Variants in SAMSN1 observed in about 807,000 individuals in gnomAD.
SAMSN1 encodes the protein SAM domain-containing protein SAMSN-1.
Under a neutral mutation model 42.0 loss-of-function variants are expected in SAMSN1, and 31 were observed. The observed-to-expected ratio is 0.74, with a 90% CI of 0.55 to 1.00. SAMSN1 has a LOEUF of 1.00. SAMSN1 is among the 50% of genes least tolerant of loss of function. The pLI is 0.00. For missense variants in SAMSN1, 464 were observed against 439.4 expected, an observed-to-expected ratio of 1.06 and a Z score of -0.50; for synonymous variants, 178 against 151.9, an observed-to-expected ratio of 1.17 and a Z score of -1.26.
At chr21:14,546,149 G>T in intron 1 of SAMSN1, 56 bp downstream of exon 1, 2 of 1,467,720 alleles carry the variant, frequency 1.4e-6, no homozygotes, top group Non-Finnish European at 9.5e-7. Context: ...ACACATATGT[G>T]TTTATTTTCT....
chr21:14,644,293 T>C (rs1983666504), intron 1 of SAMSN1, among the ~76,000 whole-genome samples: 1 of 151,724 alleles, frequency 6.6e-6, no homozygotes, highest in South Asian at 2.1e-4. Context: ...GACGGAAGTG[T>C]AGGGAGGCCT....
Position 14,516,874 on chromosome 21 carries a change from T to G in SAMSN1, c.279+18A>C, listed in dbSNP as rs1274561789. On this transcript the variant is annotated intron_variant, in intron 3 of 7. Transcript: ENST00000400566. ...AGTTTTAGTAGAAAAATACAAATGATTATCAGAGAATATTTACCTTTTCCT... is the reference window on the plus strand; with the variant it reads ...AGTTTTAGTAGAAAAATACAAATGAGTATCAGAGAATATTTACCTTTTCCT... The G allele has an allele frequency of 2.3e-5, 37 of 1,586,910 alleles. No homozygotes were observed. Among genetic ancestry groups the G allele is most frequent in the Non-Finnish European group, 3.2e-5 (37 of 1,165,382 alleles).
chr21:14,575,697 C>G (rs1325088757), intron 2 of SAMSN1, among the ~76,000 whole-genome samples: 4 of 152,096 alleles, frequency 2.6e-5, no homozygotes, highest in Non-Finnish European at 5.9e-5. Flanking sequence ...TTATTATTTA[C>G]CAGGTCCAAA....
At chr21:14,574,260 G>A (rs939124116) in intron 2 of SAMSN1, among the ~76,000 whole-genome samples, 11 of 152,152 alleles carry the variant, frequency 7.2e-5, no homozygotes, top group Admixed American at 4.6e-4. Context: ...TATTCCAACT[G>A]TCTTGTGAAA....
At chr21:14,578,275 A>G (rs573107363) in intron 2 of SAMSN1, among the ~76,000 whole-genome samples, 2 of 152,206 alleles carry the variant, frequency 1.3e-5, no homozygotes, top group South Asian at 4.1e-4. Flanking sequence ...TAAGGAGTTT[A>G]CTCAAGCACA....
intron 2 of SAMSN1, among the ~76,000 whole-genome samples, chr21:14,635,839 T>C (rs892173241): frequency 6.6e-6 from 1 of 152,066 alleles, no homozygotes; most frequent in Non-Finnish European, 1.5e-5. Context: ...TTATTATTAT[T>C]ATTATACTTC....
At chr21:14,641,765 A>G (rs191363171) in intron 2 of SAMSN1, among the ~76,000 whole-genome samples, 1 of 152,288 alleles carries the variant, frequency 6.6e-6, no homozygotes, top group Admixed American at 6.5e-5. Context: ...CTAAGCCACA[A>G]CAAAAGTAAA....
In SAMSN1 at chr21:14,522,732, C is replaced by T. The variant is rs183433190; in HGVS notation, c.58-1511G>A. Among the ~76,000 whole-genome samples the T allele has an allele frequency of 1.4e-4, 22 of 152,178 alleles. No homozygotes were observed. In the East Asian group the frequency reaches 2.7e-3, roughly 19 times the overall value. ...CTAATGGTAAACACTGAAACAAATGCGATCCATACATATATTTAAGAAAAA... is the reference window on the plus strand; with the variant it reads ...CTAATGGTAAACACTGAAACAAATGTGATCCATACATATATTTAAGAAAAA... On this transcript the variant is annotated intron_variant, in intron 1 of 7. Coordinates refer to ENST00000400566, the MANE Select transcript of SAMSN1 (RefSeq NM_022136.5).
intron 4 of SAMSN1, among the ~76,000 whole-genome samples, chr21:14,611,308 C>G (rs979075797): frequency 2.6e-5 from 4 of 152,128 alleles, no homozygotes; most frequent in African/African-American, 4.8e-5. Flanking sequence ...AAAGCAGGGC[C>G]TGGACATGTG....
intron 1 of SAMSN1, among the ~76,000 whole-genome samples, chr21:14,656,486 A>T (rs1983919285): frequency 1.3e-5 from 2 of 151,828 alleles, no homozygotes; most frequent in Admixed American, 1.3e-4. Context: ...GTTAAATGCA[A>T]TAACTATATG....
At chr21:14,573,364 GA>G (rs1023317590) in intron 2 of SAMSN1, among the ~76,000 whole-genome samples, 2 of 152,166 alleles carry the variant, frequency 1.3e-5, no homozygotes, top group Non-Finnish European at 2.9e-5. Flanking sequence ...TCCTGAGAAT[GA>G]AAATGGAAAT....
At chr21:14,630,964 C>G (rs984247187) in intron 2 of SAMSN1, among the ~76,000 whole-genome samples, 2 of 152,200 alleles carry the variant, frequency 1.3e-5, no homozygotes, top group Admixed American at 6.5e-5. Flanking sequence ...GAGTCACCTA[C>G]TTTGACTTCT....
intron 2 of SAMSN1, among the ~76,000 whole-genome samples, chr21:14,555,427 A>G (rs1282806408): frequency 6.6e-6 from 1 of 152,116 alleles, no homozygotes; most frequent in Non-Finnish European, 1.5e-5. Flanking sequence ...CTTTTAAAAC[A>G]TTTGGACATA....
chr21:14,535,632 G>A (rs896484547), intron 1 of SAMSN1, among the ~76,000 whole-genome samples: 1 of 152,136 alleles, frequency 6.6e-6, no homozygotes, highest in Admixed American at 6.5e-5. Flanking sequence ...TAAAAAATGT[G>A]ACCATTAGGG....
intron 7 of SAMSN1, among the ~76,000 whole-genome samples, chr21:14,489,280 T>C (rs933147793): frequency 6.6e-6 from 1 of 152,186 alleles, no homozygotes; most frequent in Non-Finnish European, 1.5e-5. Context: ...ATTATGGACT[T>C]CCCATAGGAT....
intron 3 of SAMSN1, among the ~76,000 whole-genome samples, chr21:14,613,094 C>T (rs1982750944): frequency 6.6e-6 from 1 of 151,968 alleles, no homozygotes; most frequent in African/African-American, 2.4e-5. Flanking sequence ...AATACAAGTA[C>T]AATTTGGGTC....
chr21:14,511,364 A>T (rs775936407), intron 4 of SAMSN1, among the ~76,000 whole-genome samples: 2 of 152,232 alleles, frequency 1.3e-5, no homozygotes, highest in African/African-American at 2.4e-5. Flanking sequence ...GGCTTTTCGC[A>T]GTCCATTCTA....
intron 1 of SAMSN1, among the ~76,000 whole-genome samples, chr21:14,657,695 T>C (rs1036131237): frequency 1.3e-5 from 2 of 151,828 alleles, no homozygotes; most frequent in African/African-American, 4.8e-5. Flanking sequence ...TGAAATGGGA[T>C]TTCTGCCATC....
chr21:14,601,920 G>A (rs1982442854), intron 6 of SAMSN1: 2 of 422,592 alleles, frequency 4.7e-6, no homozygotes, highest in Non-Finnish European at 8.9e-6. Flanking sequence ...ATAGAAACTA[G>A]CTAAAAGGCT....
Sources: allele counts gnomAD v4.1 joint callset (sites outside exome capture counted in the v4.1 genomes callset), GRCh38; gene constraint gnomAD v4.1.1; transcripts MANE v1.5; gene names NCBI Gene and HGNC (gene_info 2026-07-23, HGNC 2026-07-21).